GSE1: variants seen among roughly 807,000 people sequenced by gnomAD.
GSE1 encodes Gse1 coiled-coil protein.
Under a neutral mutation model 112.6 loss-of-function variants are expected in GSE1, and 32 were observed. That is an observed-to-expected ratio of 0.28 (90% CI 0.21 to 0.38). The LOEUF is 0.38. GSE1 is among the 10% of genes least tolerant of loss of function. The pLI is 1.00. For missense variants in GSE1, 2,348 were observed against 1,699.2 expected (o/e 1.38, Z -6.71); for synonymous variants, 1,115 against 735.6 (o/e 1.52, Z -8.35).
intron 2 of GSE1, among the ~76,000 whole-genome samples, chr16:85,462,781 C>T (rs1475815055): frequency 4.2e-5 from 5 of 118,634 alleles, no homozygotes; most frequent in African/African-American, 1.6e-4. Flanking sequence ...CGCGCCGCCA[C>T]GGCTGGCGGT....
chr16:85,253,844 T>C (rs1906779863), intron 1 of GSE1, among the ~76,000 whole-genome samples: 2 of 144,800 alleles, frequency 1.4e-5, no homozygotes, highest in African/African-American at 5.3e-5. Flanking sequence ...GGCCAGGAGG[T>C]GGGACAGGCT....
intron 1 of GSE1, among the ~76,000 whole-genome samples, chr16:85,605,591 G>C (rs1042198678): frequency 6.6e-6 from 1 of 151,988 alleles, no homozygotes; most frequent in Admixed American, 6.5e-5. Context: ...CTAAGGAAAC[G>C]GGTGTGCAGT....
intron 2 of GSE1, among the ~76,000 whole-genome samples, chr16:85,445,181 A>G (rs1442921295): frequency 6.6e-6 from 1 of 152,102 alleles, no homozygotes; most frequent in Admixed American, 6.5e-5. Context: ...CACACACCTG[A>G]CTGCCCTCCC....
At chr16:85,652,683 T>G (rs573591920) in intron 3 of GSE1, among the ~76,000 whole-genome samples, 341 of 152,242 alleles carry the variant, frequency 2.2e-3, no homozygotes, top group African/African-American at 7.9e-3. Context: ...GGTCACCGTC[T>G]GCCGCTATGA....
intron 2 of GSE1, among the ~76,000 whole-genome samples, chr16:85,511,804 A>C (rs991030662): frequency 2.0e-5 from 3 of 152,148 alleles, no homozygotes; most frequent in African/African-American, 7.2e-5. Flanking sequence ...AGAGGCAGGA[A>C]GGAGCCTCCC....
rs1328122046 is a variant in GSE1, at chr16:85,478,959, C to CTTTCTTTTTT, written c.2464+121323_2464+121324insTTTTTTCTTT. ...TTTCTTTCTTTCTTTTTTTTTCTTT[C>CTTTCTTTTTT]TTTCTTTCCTTCCTTCCTTCCTTCC... is the stretch of plus-strand genomic sequence containing the variant. On this transcript the variant is annotated intron_variant, in intron 2 of 2. Transcript: ENST00000637419. 3.1e-4 allele frequency among the ~76,000 whole-genome samples: 20 copies of CTTTCTTTTTT among 65,524 alleles called. 2 individuals carry two copies. Among genetic ancestry groups the CTTTCTTTTTT allele is most frequent in the African/African-American group, 1.6e-3 (18 of 11,298 alleles). 43.0% of individuals were successfully genotyped at this position (65,524 alleles called of 152,430 possible). A position where few individuals can be genotyped will look rare whatever the true frequency, so the allele number is the denominator to read the frequency against.
At chr16:85,316,371 G>A (rs113404578) in intron 1 of GSE1, among the ~76,000 whole-genome samples, 273 of 152,256 alleles carry the variant, frequency 1.8e-3, no homozygotes, top group African/African-American at 6.2e-3. Flanking sequence ...CTTATAGCAC[G>A]TCTCAATCTG....
intron 1 of GSE1, among the ~76,000 whole-genome samples, chr16:85,173,803 C>A (rs1393745277): frequency 1.3e-5 from 2 of 152,166 alleles, no homozygotes; most frequent in Non-Finnish European, 2.9e-5. Flanking sequence ...GGACAGTAGT[C>A]TGGTGTGGAC....
intron 2 of GSE1, among the ~76,000 whole-genome samples, chr16:85,423,937 C>T (rs1238284616): frequency 6.6e-6 from 1 of 152,224 alleles, no homozygotes; most frequent in African/African-American, 2.4e-5. Context: ...TGCACCCCAC[C>T]TGAAGGAGTG....
intron 1 of GSE1, chr16:85,595,362 T>A (rs1441762195): frequency 6.6e-6 from 1 of 152,268 alleles, no homozygotes; most frequent in Non-Finnish European, 1.5e-5. Flanking sequence ...CAGCTTCTCC[T>A]TTTCAGTTTG....
chr16:85,386,058 C>T (rs762473852), intron 2 of GSE1, among the ~76,000 whole-genome samples: 11 of 152,174 alleles, frequency 7.2e-5, no homozygotes, highest in Non-Finnish European at 1.3e-4. Context: ...CATGGGATAG[C>T]GGCGCTTCTG....
At chr16:85,217,606 TTG>T (rs1390048507) in intron 1 of GSE1, among the ~76,000 whole-genome samples, 1 of 152,110 alleles carries the variant, frequency 6.6e-6, no homozygotes, top group African/African-American at 2.4e-5. Flanking sequence ...CCTTGCCTGG[TTG>T]TGAGAGTTAA....
At chr16:85,649,486 C>T (rs545095820) in intron 3 of GSE1, among the ~76,000 whole-genome samples, 2 of 152,212 alleles carry the variant, frequency 1.3e-5, no homozygotes, top group Non-Finnish European at 2.9e-5. Flanking sequence ...GAGGCCCCTC[C>T]CCAAGTTTTC....
intron 1 of GSE1, among the ~76,000 whole-genome samples, chr16:85,342,296 T>G (rs944119630): frequency 5.3e-5 from 8 of 152,248 alleles, no homozygotes; most frequent in African/African-American, 1.9e-4. Context: ...TTTTTATGTT[T>G]GTCACCCTGA....
chr16:85,348,214 A>G (rs1199065792), intron 1 of GSE1, among the ~76,000 whole-genome samples: 1 of 151,788 alleles, frequency 6.6e-6, no homozygotes, highest in African/African-American at 2.4e-5. Flanking sequence ...CTGTCCACCC[A>G]TCTATCATCC....
At chr16:85,238,360 AG>A (rs1904876234) in intron 1 of GSE1, among the ~76,000 whole-genome samples, 1 of 152,128 alleles carries the variant, frequency 6.6e-6, no homozygotes, top group Non-Finnish European at 1.5e-5. Context: ...CAGCCATCCA[AG>A]GGGGGCGGTG....
At chr16:85,539,866 G>A (rs767687803) in intron 2 of GSE1, among the ~76,000 whole-genome samples, 5 of 152,238 alleles carry the variant, frequency 3.3e-5, no homozygotes, top group Admixed American at 6.5e-5. Flanking sequence ...GCAGGGCATT[G>A]CTCTAGGGGT....
intron 1 of GSE1, among the ~76,000 whole-genome samples, chr16:85,615,190 G>A (rs892697842): frequency 2.2e-4 from 33 of 152,228 alleles, no homozygotes; most frequent in African/African-American, 7.7e-4. Flanking sequence ...CACAGGCTGT[G>A]CCTGACTCAG....
chr16:85,210,624 G>A (rs1296399542), intron 1 of GSE1, among the ~76,000 whole-genome samples: 1 of 152,106 alleles, frequency 6.6e-6, no homozygotes, highest in African/African-American at 2.4e-5. Flanking sequence ...ATGTTGAGTG[G>A]CCATAAGCAG....
Sources: gnomAD v4.1 joint callset for allele counts (sites outside exome capture counted in the v4.1 genomes callset) on GRCh38, gnomAD v4.1.1 for gene constraint, MANE v1.5 for transcripts, NCBI Gene and HGNC (gene_info 2026-07-23, HGNC 2026-07-21) for gene names.